The following EFCAB13 variants were observed in gnomAD, a reference collection of about 807,000 sequenced individuals.
EFCAB13 encodes EF-hand calcium binding domain 13.
In EFCAB13, 91 loss-of-function variants were observed where a neutral mutation model predicts 110.2. The ratio of observed to expected loss-of-function variants is 0.83; its 90% CI spans 0.70 to 0.98. The LOEUF (loss-of-function observed/expected upper bound fraction) is 0.98. Ranked by LOEUF, EFCAB13 falls within the 50% of genes least tolerant of loss-of-function variation. EFCAB13 has a pLI of 0.00. For missense variants in EFCAB13, 968 were observed against 1,119.4 expected (o/e 0.86, Z 1.93); for synonymous variants, 323 against 369.9 (o/e 0.87, Z 1.45).
chr17:47,424,872 A>ATGTTTTTTTTTTTTT (rs1459453287), intron 23 of EFCAB13, among the ~76,000 whole-genome samples: 2 of 68,346 alleles, frequency 2.9e-5, no homozygotes, highest in Non-Finnish European at 5.7e-5. Context: ...CCGGTTGACA[A>ATGTTTTTTTTTTTTT]TCTTTTTTTT....
At chr17:47,326,016 G>C (rs899549607) in intron 2 of EFCAB13, among the ~76,000 whole-genome samples, 1 of 144,658 alleles carries the variant, frequency 6.9e-6, no homozygotes, top group African/African-American at 2.6e-5. Flanking sequence ...AGAGAACCTA[G>C]TGCACACTAA....
chr17:47,404,312 A>T (rs1567800823), intron 19 of EFCAB13, among the ~76,000 whole-genome samples: 1 of 152,144 alleles, frequency 6.6e-6, no homozygotes, highest in Non-Finnish European at 1.5e-5. Flanking sequence ...GCCACCTTTG[A>T]CCAAATTACT....
chr17:47,342,279 T>G (rs915987957), intron 6 of EFCAB13, among the ~76,000 whole-genome samples: 1 of 152,158 alleles, frequency 6.6e-6, no homozygotes, highest in African/African-American at 2.4e-5. Context: ...ATTTTTTGTC[T>G]TTTTTACTGT....
At position 47,440,580 on chromosome 17, in the gene EFCAB13, G is replaced by A. The variant is rs1265642903; in HGVS notation, c.2788G>A (p.Asp930Asn). 3 of 1,613,076 alleles carry A rather than the reference G, an allele frequency of 1.9e-6. No homozygotes were observed. Among genetic ancestry groups the A allele is most frequent in the Non-Finnish European group, 2.5e-6 (3 of 1,179,568 alleles). ...AVVYMLKTIQ[D>N]SIVKAQVSKK... ...GGTTTACATGTTAAAAACAATACAG[G>A]ATTCGATAGTTAAAGCACAGGTAAG... The change falls in exon 25 of 25, where the codon GAT becomes AAT. Residue 930 changes from aspartate (D) to asparagine (N), a missense_variant. Physicochemically the swap from Asp to Asn is conservative, Grantham distance 23 (BLOSUM62 1). Coordinates refer to ENST00000331493, the MANE Select transcript of EFCAB13 (RefSeq NM_152347.5).
intron 24 of EFCAB13, among the ~76,000 whole-genome samples, chr17:47,439,230 G>T (rs1269883906): frequency 3.1e-5 from 4 of 129,762 alleles, no homozygotes; most frequent in African/African-American, 8.9e-5. Flanking sequence ...AGGCTGGAGT[G>T]CAGTGGCACA....
At position 47,324,487 on chromosome 17, in the gene EFCAB13, G is replaced by A. The variant is rs2065268966; in HGVS notation, c.-284G>A. The A allele has an allele frequency of 6.6e-6, 1 of 152,164 alleles. No homozygotes were observed. Among genetic ancestry groups the A allele is most frequent in the African/African-American group, 2.4e-5 (1 of 41,414 alleles). 9.4% of individuals were successfully genotyped at this position (152,164 alleles called of 1,614,324 possible). A position where few individuals can be genotyped will look rare whatever the true frequency, so the allele number is the denominator to read the frequency against. ...GGCTTCGTAAGAGCAGGGTCTATGG[G>A]AAGCCTCCTCAGCGTGGGTTCTTGG... On this transcript the variant is annotated 5_prime_UTR_variant, in exon 2 of 25. Coordinates refer to ENST00000331493, the MANE Select transcript of EFCAB13 (RefSeq NM_152347.5).
chr17:47,404,660 G>A (rs2065796444), intron 20 of EFCAB13, 27 bp downstream of exon 20: 1 of 1,534,198 alleles, frequency 6.5e-7, no homozygotes, highest in Non-Finnish European at 9.0e-7. Flanking sequence ...AATACTGTTA[G>A]AAGGCAATGA....
chr17:47,435,794 T>G (rs1905202298), intron 24 of EFCAB13, among the ~76,000 whole-genome samples: 2 of 152,248 alleles, frequency 1.3e-5, no homozygotes, highest in South Asian at 4.1e-4. Flanking sequence ...CTTGCCATAT[T>G]ACTCTGGCTA....
At position 47,438,990 on chromosome 17, in the gene EFCAB13, C is replaced by A. The variant is rs367685471; in HGVS notation, c.2639-1441C>A. ...ATTTCCAAGCTTCTTTCTTTTATCT[C>A]CCCAGAGGTTAAGGCTTTCATCCAT... On this transcript the variant is annotated intron_variant, in intron 24 of 24. Transcript: ENST00000331493. Among the ~76,000 whole-genome samples, 23 of 152,126 alleles carry A rather than the reference C, an allele frequency of 1.5e-4. 1 individual carries two copies. In the South Asian group the frequency reaches 4.8e-3, roughly 32 times the overall value.
intron 23 of EFCAB13, among the ~76,000 whole-genome samples, chr17:47,420,043 C>T (rs2143487460): frequency 6.6e-6 from 1 of 152,272 alleles, no homozygotes; most frequent in African/African-American, 2.4e-5. Context: ...ACTGCAACCT[C>T]CCTGCCTGAT....
At chr17:47,339,782 A>G (rs749155649) in intron 5 of EFCAB13, 3 of 152,146 alleles carry the variant, frequency 2.0e-5, no homozygotes, top group Non-Finnish European at 4.4e-5. Context: ...ATAAGAAAGA[A>G]GAATGTTGAT....
rs1275983144 is a variant in EFCAB13 at position 47,394,073 on chromosome 17, A to C, written c.1775A>C (p.Asn592Thr). 1 of 1,545,426 alleles carries C rather than the reference A, an allele frequency of 6.5e-7. No homozygotes were observed. The highest frequency in any genetic ancestry group is 1.4e-5 in the African/African-American group (1 of 71,910). Residue 592 changes from asparagine to threonine, a missense_variant, in exon 16 of 25, where the codon AAC becomes ACC. Asn to Thr is a moderately conservative substitution (Grantham distance 65, BLOSUM62 0). Coordinates refer to ENST00000331493, the MANE Select transcript of EFCAB13 (RefSeq NM_152347.5). ...GAATTCATTGATACTATGATGAGCA[A>C]CACGGAATGCTTCTCTGAAAAATTA... is the stretch of plus-strand genomic sequence containing the variant. ...FKEFIDTMMS[N>T]TECFSEKLVL...
At chr17:47,435,026 AAAAT>A (rs953570117) in intron 24 of EFCAB13, among the ~76,000 whole-genome samples, 36 of 152,188 alleles carry the variant, frequency 2.4e-4, no homozygotes, top group Admixed American at 2.0e-3. Flanking sequence ...AACCAAAACA[AAAAT>A]AAATAGATGG....
At chr17:47,420,073 A>C (rs62076505) in intron 23 of EFCAB13, among the ~76,000 whole-genome samples, 5 of 151,982 alleles carry the variant, frequency 3.3e-5, no homozygotes, top group South Asian at 2.1e-4. Context: ...TCAGCCTGCC[A>C]AGTGCCTGCA....
At position 47,429,911 on chromosome 17, in the gene EFCAB13, A is replaced by C. The variant is rs1904751836; in HGVS notation, c.2588A>C (p.His863Pro). 6.2e-7 allele frequency: 1 copy of C among 1,612,936 alleles called. No homozygotes were observed. Among genetic ancestry groups the C allele is most frequent in the Admixed American group, 1.7e-5 (1 of 59,964 alleles). The stretch of plus-strand genomic sequence containing the variant: ...ACATTATTGATGGACAAGGACCTTC[A>C]TACAGCTAATGCTATACTTACTGTA... ...LKTLLMDKDLHTANAILTVML... is the reference protein window; with the variant it reads ...LKTLLMDKDLPTANAILTVML... The change falls in exon 24 of 25, where the codon CAT becomes CCT. Residue 863 changes from histidine to proline, a missense_variant. By Grantham distance (77) the His-to-Pro change is moderately conservative. Transcript: ENST00000331493.
chr17:47,423,514 CCTT>C (rs1437419420), intron 23 of EFCAB13: 1 of 265,038 alleles, frequency 3.8e-6, no homozygotes, highest in Non-Finnish European at 7.1e-6. Flanking sequence ...GGTGGCTCCT[CCTT>C]CGCTTCTCCC....
intron 17 of EFCAB13, among the ~76,000 whole-genome samples, chr17:47,396,758 T>C (rs1598748911): frequency 2.0e-5 from 3 of 152,326 alleles, no homozygotes; most frequent in African/African-American, 7.2e-5. Flanking sequence ...TAGTTGAGGC[T>C]AGAAGTTTTG....
chr17:47,355,732 C>T (rs935545078), intron 9 of EFCAB13, among the ~76,000 whole-genome samples: 8 of 151,930 alleles, frequency 5.3e-5, no homozygotes, highest in Non-Finnish European at 1.0e-4. Flanking sequence ...GCCACCAAAC[C>T]CAGCTAATTT....
intron 5 of EFCAB13, 86 bp from the exon 6 acceptor site, chr17:47,341,835 A>G: frequency 1.3e-6 from 1 of 751,956 alleles, no homozygotes; most frequent in Non-Finnish European, 2.2e-6. Context: ...ATACTTTTGT[A>G]TATGTTAGAA....
Sources: gnomAD v4.1 joint callset for allele counts (sites outside exome capture counted in the v4.1 genomes callset) on GRCh38, gnomAD v4.1.1 for gene constraint, MANE v1.5 for transcripts, NCBI Gene and HGNC (gene_info 2026-07-23, HGNC 2026-07-21) for gene names.